The following SEC22C variants were observed in gnomAD, a reference collection of about 807,000 sequenced individuals.
SEC22C encodes SEC22 homolog C, vesicle trafficking protein, also known as vesicle-trafficking protein SEC22c.
SEC22C carries 29 observed loss-of-function variants against 34.7 expected under a neutral mutation model. That is an observed-to-expected ratio of 0.84 (90% confidence interval 0.62 to 1.14). The LOEUF is 1.14. Ranked by LOEUF, SEC22C falls within the 50% of genes most tolerant of loss-of-function variation. SEC22C has a pLI of 0.00. For synonymous variants in SEC22C, 117 were observed against 132.8 expected (o/e 0.88, Z 0.82); for missense variants, 337 against 369.0 (o/e 0.91, Z 0.71).
In SEC22C at chr3:42,549,604, G is replaced by A. The variant is rs959285701; in HGVS notation, c.*3644C>T. The A allele has an allele frequency of 1.0e-6, 1 of 985,318 alleles. No individual in the cohort carries two copies. The highest frequency in any genetic ancestry group is 6.1e-5 in the Admixed American group (1 of 16,264). 61.0% of individuals were successfully genotyped at this position (985,318 alleles called of 1,614,324 possible). On this transcript the variant is annotated 3_prime_UTR_variant, in exon 7 of 7. Transcript: ENST00000264454. Reference sequence around the variant, plus strand: ...ACTTGACTCCCAGGCATGGGTGGGAGAGTTGAACCTCAATGCAATCTGCTC... The same window carrying A: ...ACTTGACTCCCAGGCATGGGTGGGAAAGTTGAACCTCAATGCAATCTGCTC...
chr3:42,549,850 C>T lies in SEC22C; in HGVS notation c.*3398G>A. ...TAAATGTTTTAATTCCAGCATTCTCCAGAGTTCACAGAAAAGAGGGATGCA... is the reference window on the plus strand; with the variant it reads ...TAAATGTTTTAATTCCAGCATTCTCTAGAGTTCACAGAAAAGAGGGATGCA... On this transcript the variant is annotated 3_prime_UTR_variant, in exon 7 of 7. Coordinates refer to ENST00000264454, the MANE Select transcript of SEC22C (RefSeq NM_032970.4). 1 of 985,430 alleles carries T rather than the reference C, an allele frequency of 1.0e-6. No homozygotes were observed. The highest frequency in any genetic ancestry group is 1.2e-6 in the Non-Finnish European group (1 of 829,940). 61.0% of individuals were successfully genotyped at this position (985,430 alleles called of 1,614,324 possible).
Position 42,548,807 on chromosome 3 carries a change from GC to G in SEC22C, c.*4440del. ...TATAACAAAATGCCTTTTTGTAAAG[GC>G]CAGAAGAAATGGCTGTGCTGTGCTG... On this transcript the variant is annotated 3_prime_UTR_variant, in exon 7 of 7. Coordinates refer to ENST00000264454, the MANE Select transcript of SEC22C (RefSeq NM_032970.4). The G allele has an allele frequency of 6.8e-7, 1 of 1,463,218 alleles. No individual in the cohort carries two copies. The highest frequency in any genetic ancestry group is 2.5e-5 in the East Asian group (1 of 40,656). The allele number at this position is 1,463,218 out of a possible 1,614,324, so 90.6% of individuals were successfully genotyped here. A position where few individuals can be genotyped will look rare whatever the true frequency, so the allele number is the denominator to read the frequency against.
At chr3:42,600,650 T>G in intron 1 of SEC22C, 1 of 178,758 alleles carries the variant, frequency 5.6e-6, no homozygotes. Flanking sequence ...CTCGCGGGGT[T>G]TAGCGTGGCA....
chr3:42,593,287 T>C (rs1704916884), intron 1 of SEC22C, among the ~76,000 whole-genome samples: 1 of 152,048 alleles, frequency 6.6e-6, no homozygotes, highest in African/African-American at 2.4e-5. Context: ...AGGCGTGGTG[T>C]GTGCCTGTAA....
chr3:42,584,421 A>C (rs1360180624), upstream of SEC22C, among the ~76,000 whole-genome samples: 4 of 152,106 alleles, frequency 2.6e-5, no homozygotes, highest in Non-Finnish European at 5.9e-5. Context: ...CGCCCAGCTA[A>C]TTTTTGTATT....
At chr3:42,592,335 G>A (rs1704879692) in intron 1 of SEC22C, among the ~76,000 whole-genome samples, 1 of 152,012 alleles carries the variant, frequency 6.6e-6, no homozygotes. Context: ...GAGTAGCTGG[G>A]ACTACAGGCG....
chr3:42,574,993 C>T (rs1247770693), intron 1 of SEC22C, among the ~76,000 whole-genome samples: 1 of 152,030 alleles, frequency 6.6e-6, no homozygotes, highest in Non-Finnish European at 1.5e-5. Flanking sequence ...AGACATGTAC[C>T]GTTATACCCA....
At chr3:42,600,089 A>G (rs1272386237) in intron 1 of SEC22C, among the ~76,000 whole-genome samples, 1 of 152,346 alleles carries the variant, frequency 6.6e-6, no homozygotes, top group South Asian at 2.1e-4. Flanking sequence ...TGTATCCAGA[A>G]CTGTTAAACA....
chr3:42,563,385 G>T, intron 3 of SEC22C, 138 bp downstream of exon 3: 1 of 667,610 alleles, frequency 1.5e-6, no homozygotes, highest in Non-Finnish European at 2.5e-6. Flanking sequence ...GAAATCTCAT[G>T]GTACAAGTCT....
intron 1 of SEC22C, among the ~76,000 whole-genome samples, chr3:42,599,981 A>G (rs183712586): frequency 4.6e-5 from 7 of 152,370 alleles, no homozygotes; most frequent in Admixed American, 4.6e-4. Flanking sequence ...AAACGTCAAA[A>G]CAATGAAACG....
chr3:42,590,746 C>T, intron 1 of SEC22C: 1 of 817,992 alleles, frequency 1.2e-6, no homozygotes, highest in Non-Finnish European at 2.1e-6. Context: ...CCGAGGAAAG[C>T]GCTGAGTATA....
intron 3 of SEC22C, among the ~76,000 whole-genome samples, chr3:42,562,720 C>T (rs915406875): frequency 1.3e-5 from 2 of 152,190 alleles, no homozygotes; most frequent in African/African-American, 4.8e-5. Flanking sequence ...ATCTCCATTC[C>T]TCTTCTCCCA....
intron 4 of SEC22C, among the ~76,000 whole-genome samples, chr3:42,558,013 T>C (rs1046735770): frequency 1.3e-4 from 20 of 152,196 alleles, no homozygotes; most frequent in Non-Finnish European, 1.5e-5. Context: ...TGCCCCCCAG[T>C]GGATATTTGG....
upstream of SEC22C, among the ~76,000 whole-genome samples, chr3:42,586,251 A>G (rs1490024256): frequency 6.6e-6 from 1 of 152,030 alleles, no homozygotes; most frequent in Non-Finnish European, 1.5e-5. Flanking sequence ...GTTGAGACAG[A>G]GTCTCGCTCT....
chr3:42,585,729 C>T (rs1188069052), upstream of SEC22C, among the ~76,000 whole-genome samples: 2 of 152,194 alleles, frequency 1.3e-5, no homozygotes, highest in Non-Finnish European at 2.9e-5. Context: ...AAGAATCCAA[C>T]CTTCTGTCTT....
exon 1 of SEC22C, chr3:42,600,972 CCT>C: frequency 4.6e-6 from 7 of 1,515,174 alleles, no homozygotes; most frequent in Non-Finnish European, 6.2e-6. Context: ...CTTTTCTCCC[CCT>C]CTCTCCCAGC....
At chr3:42,601,069 G>C in exon 1 of SEC22C, 1 of 1,566,484 alleles carries the variant, frequency 6.4e-7, no homozygotes. Flanking sequence ...AGCCGGGTGA[G>C]CTGGAAACTG....
chr3:42,548,195 G>A lies in SEC22C; in HGVS notation c.*5053C>T, dbSNP rs1702083721. On this transcript the variant is annotated 3_prime_UTR_variant, in exon 7 of 7. Transcript: ENST00000264454. ...CAAGTATTGAAAACGAATATGTAAA[G>A]TAAATGGTTTTGCCCTGACTAAATC... 6.1e-6 allele frequency: 1 copy of A among 164,760 alleles called. No individual in the cohort carries two copies. The highest frequency in any genetic ancestry group is 1.3e-5 in the Non-Finnish European group (1 of 76,302). The allele number at this position is 164,760 out of a possible 1,614,324, so 10.2% of individuals were successfully genotyped here.
At chr3:42,553,508 C>T (rs922962103) in intron 6 of SEC22C, 60 bp from the exon 7 acceptor site, 1 of 1,568,958 alleles carries the variant, frequency 6.4e-7, no homozygotes, top group African/African-American at 1.4e-5. Flanking sequence ...AGATCATATG[C>T]AAAATTCACC....
Sources: gnomAD v4.1 joint callset for allele counts (sites outside exome capture counted in the v4.1 genomes callset) on GRCh38, gnomAD v4.1.1 for gene constraint, MANE v1.5 for transcripts, NCBI Gene and HGNC (gene_info 2026-07-23, HGNC 2026-07-21) for gene names.